TRDN: variants seen among roughly 807,000 people sequenced by gnomAD.
TRDN encodes the protein triadin in skeletal muscle.
In TRDN, 161 loss-of-function variants were observed where a neutral mutation model predicts 149.7. That is an observed-to-expected ratio of 1.08 (90% CI 0.95 to 1.23). TRDN has a LOEUF of 1.23. TRDN is among the 50% of genes most tolerant of loss of function. TRDN has a pLI of 0.00. For synonymous variants in TRDN, 294 were observed against 250.5 expected, an observed-to-expected ratio of 1.17 and a Z score of -1.64; for missense variants, 896 against 823.5, an observed-to-expected ratio of 1.09 and a Z score of -1.08.
At chr6:123,517,846 T>C (rs896920829) in intron 5 of TRDN, among the ~76,000 whole-genome samples, 2 of 152,140 alleles carry the variant, frequency 1.3e-5, no homozygotes, top group Non-Finnish European at 2.9e-5. Flanking sequence ...AATTGCACCA[T>C]GTACATAATT....
chr6:123,231,223 T>C (rs1562221271), intron 38 of TRDN, among the ~76,000 whole-genome samples: 1 of 151,890 alleles, frequency 6.6e-6, no homozygotes, highest in Non-Finnish European at 1.5e-5. Flanking sequence ...TACAAACCCA[T>C]ATAGAGAAAA....
intron 33 of TRDN, among the ~76,000 whole-genome samples, chr6:123,263,638 A>G (rs1395389034): frequency 6.6e-6 from 1 of 152,016 alleles, no homozygotes. Flanking sequence ...TTAAAAGAAC[A>G]ACAACAACTT....
intron 35 of TRDN, among the ~76,000 whole-genome samples, chr6:123,256,993 T>A: frequency 6.6e-6 from 1 of 151,658 alleles, no homozygotes; most frequent in East Asian, 1.9e-4. Flanking sequence ...CTTTCTTTTT[T>A]TTTTTTTAGA....
At chr6:123,417,532 A>G (rs187864574) in intron 12 of TRDN, among the ~76,000 whole-genome samples, 5 of 152,312 alleles carry the variant, frequency 3.3e-5, no homozygotes, top group Non-Finnish European at 7.3e-5. Context: ...GGCTCTTTCA[A>G]TGCCTTTATA....
At position 123,278,311 on chromosome 6, in the gene TRDN, T is replaced by A; in HGVS notation, c.1567+7A>T. On this transcript the variant is annotated splice_region_variant and intron_variant, in intron 26 of 40. Coordinates refer to ENST00000334268, the MANE Select transcript of TRDN (RefSeq NM_006073.4). ...ATCATATATGTGTATAAATAAAATATACATACCTGGCTTCTCTTCCTTTTT... is the reference window on the plus strand; with the variant it reads ...ATCATATATGTGTATAAATAAAATAAACATACCTGGCTTCTCTTCCTTTTT... 1 of 1,290,162 alleles carries A rather than the reference T, an allele frequency of 7.8e-7. No homozygotes were observed. Among genetic ancestry groups the A allele is most frequent in the South Asian group, 1.4e-5 (1 of 70,254 alleles). The allele number at this position is 1,290,162 out of a possible 1,614,324, so 79.9% of individuals were successfully genotyped here. A position where few individuals can be genotyped will look rare whatever the true frequency, so the allele number is the denominator to read the frequency against.
At chr6:123,265,725 A>C (rs1044563855) in intron 32 of TRDN, among the ~76,000 whole-genome samples, 2 of 147,482 alleles carry the variant, frequency 1.4e-5, no homozygotes, top group Non-Finnish European at 3.0e-5. Context: ...AATAATATTA[A>C]TTATTAATAT....
At chr6:123,488,691 TACA>T (rs1778076820) in intron 9 of TRDN, 1 of 144,850 alleles carries the variant, frequency 6.9e-6, no homozygotes, top group Non-Finnish European at 1.5e-5. Context: ...AACGATCTTG[TACA>T]ACATTTCCAA....
intron 8 of TRDN, chr6:123,502,434 T>G (rs1292658689): frequency 1.6e-6 from 1 of 617,238 alleles, no homozygotes; most frequent in Non-Finnish European, 2.0e-6. Context: ...TAAATTAAAA[T>G]TATCTAAATT....
chr6:123,592,482 G>A (rs182961490), intron 1 of TRDN, among the ~76,000 whole-genome samples: 13 of 152,238 alleles, frequency 8.5e-5, no homozygotes, highest in African/African-American at 3.1e-4. Context: ...TTTCCTTGGG[G>A]TCAATGCAGG....
At chr6:123,612,899 A>C (rs985229603) in intron 1 of TRDN, among the ~76,000 whole-genome samples, 2 of 152,182 alleles carry the variant, frequency 1.3e-5, no homozygotes, top group African/African-American at 4.8e-5. Context: ...TTTAACATGA[A>C]TAACACTTGT....
intron 33 of TRDN, among the ~76,000 whole-genome samples, chr6:123,261,349 A>G (rs1776766038): frequency 6.6e-6 from 1 of 151,924 alleles, no homozygotes; most frequent in South Asian, 2.1e-4. Context: ...AAAAGTTAAT[A>G]AAAACAAACT....
At chr6:123,414,719 A>G (rs1380757497) in intron 12 of TRDN, among the ~76,000 whole-genome samples, 2 of 152,142 alleles carry the variant, frequency 1.3e-5, no homozygotes, top group Non-Finnish European at 2.9e-5. Flanking sequence ...AGTGATTCGC[A>G]TAATAGTTTT....
At chr6:123,425,870 ATATC>A (rs750903238) in intron 12 of TRDN, among the ~76,000 whole-genome samples, 14 of 151,992 alleles carry the variant, frequency 9.2e-5, no homozygotes, top group Non-Finnish European at 1.5e-4. Context: ...TATAATATAC[ATATC>A]TATCTATCTA....
At chr6:123,366,290 G>A in intron 19 of TRDN, 108 bp from the exon 20 acceptor site, 1 of 996,410 alleles carries the variant, frequency 1.0e-6, no homozygotes, top group Admixed American at 2.7e-5. Flanking sequence ...TTGCACATGA[G>A]AGCAAAGCAA....
rs186498656 is a variant in TRDN, at chr6:123,581,740, C to A, written c.23-10608G>T. On this transcript the variant is annotated intron_variant, in intron 1 of 40. Transcript: ENST00000334268. Reference sequence around the variant, plus strand: ...AGTTTTGCTGGTCCAAAGAAGGCTACAACAGTGGAGGAAAGACTAATGTTT... The same window carrying A: ...AGTTTTGCTGGTCCAAAGAAGGCTAAAACAGTGGAGGAAAGACTAATGTTT... Among the ~76,000 whole-genome samples, 529 of 152,124 alleles carry A rather than the reference C, an allele frequency of 3.5e-3. 4 individuals are homozygous for A. Among genetic ancestry groups the A allele is most frequent in the African/African-American group, 0.012 (489 of 41,486 alleles).
At chr6:123,443,191 G>A (rs1307240257) in intron 10 of TRDN, among the ~76,000 whole-genome samples, 1 of 149,640 alleles carries the variant, frequency 6.7e-6, no homozygotes, top group Non-Finnish European at 1.5e-5. Flanking sequence ...CATTTTAGAG[G>A]CTTAAAATGA....
intron 1 of TRDN, among the ~76,000 whole-genome samples, chr6:123,597,375 G>A (rs111373882): frequency 0.045 from 6,791 of 152,134 alleles, 199 homozygotes; most frequent in Non-Finnish European, 0.057. Flanking sequence ...TCTTGAAATG[G>A]AATCTACTGC....
chr6:123,493,531 A>C (rs1456591712), intron 9 of TRDN, among the ~76,000 whole-genome samples: 2 of 152,202 alleles, frequency 1.3e-5, no homozygotes, highest in Non-Finnish European at 2.9e-5. Context: ...AGCGTTTTCA[A>C]ATTAGAACTG....
chr6:123,301,762 T>TACAC (rs765500670), intron 24 of TRDN, among the ~76,000 whole-genome samples: 21 of 80,758 alleles, frequency 2.6e-4, no homozygotes, highest in South Asian at 1.8e-3. Flanking sequence ...CATATATATA[T>TACAC]ATATATACAT....
Sources: gnomAD v4.1 joint callset for allele counts (sites outside exome capture counted in the v4.1 genomes callset) on GRCh38, gnomAD v4.1.1 for gene constraint, MANE v1.5 for transcripts, NCBI Gene and HGNC (gene_info 2026-07-23, HGNC 2026-07-21) for gene names.